The following ATP6V1H variants were observed in gnomAD, a reference collection of about 807,000 sequenced individuals.
ATP6V1H encodes V-type proton ATPase subunit H.
Under a neutral mutation model 71.7 loss-of-function variants are expected in ATP6V1H, and 39 were observed. The ratio of observed to expected loss-of-function variants is 0.54; its 90% CI spans 0.42 to 0.71. ATP6V1H has a LOEUF of 0.71. ATP6V1H is among the 30% of genes least tolerant of loss of function. ATP6V1H has a pLI of 0.00. For missense variants in ATP6V1H, 509 were observed against 594.9 expected, an observed-to-expected ratio of 0.86 and a Z score of 1.50; for synonymous variants, 192 against 199.3, an observed-to-expected ratio of 0.96 and a Z score of 0.31.
chr8:53,760,719 C>CT (rs1456678280), intron 11 of ATP6V1H, among the ~76,000 whole-genome samples: 1 of 152,146 alleles, frequency 6.6e-6, no homozygotes, highest in African/African-American at 2.4e-5. Flanking sequence ...AGACTCCCTT[C>CT]TGGGCCAAGG....
At chr8:53,787,443 A>C (rs1024006253) in intron 9 of ATP6V1H, among the ~76,000 whole-genome samples, 7 of 152,254 alleles carry the variant, frequency 4.6e-5, no homozygotes, top group African/African-American at 9.6e-5. Context: ...ATGCATGTAC[A>C]TGCGTGTGCA....
chr8:53,825,832 T>C (rs1810808749), intron 4 of ATP6V1H, among the ~76,000 whole-genome samples: 1 of 152,044 alleles, frequency 6.6e-6, no homozygotes, highest in Non-Finnish European at 1.5e-5. Context: ...CACTGTAAAC[T>C]TGGGTATAAG....
intron 4 of ATP6V1H, among the ~76,000 whole-genome samples, chr8:53,828,895 C>T (rs144860743): frequency 6.6e-5 from 10 of 152,194 alleles, no homozygotes; most frequent in African/African-American, 2.4e-4. Flanking sequence ...AGATTATACT[C>T]TAGTGTAAAA....
At chr8:53,760,818 GT>G (rs1808247164) in intron 11 of ATP6V1H, among the ~76,000 whole-genome samples, 1 of 152,116 alleles carries the variant, frequency 6.6e-6, no homozygotes, top group African/African-American at 2.4e-5. Context: ...CCCTTTCGGA[GT>G]TTAGGCACAA....
chr8:53,756,450 T>A, intron 12 of ATP6V1H, 105 bp downstream of exon 12: 1 of 765,216 alleles, frequency 1.3e-6, no homozygotes, highest in Non-Finnish European at 2.1e-6. Flanking sequence ...TTCATTTGCT[T>A]TGTTAGTTCC....
intron 13 of ATP6V1H, among the ~76,000 whole-genome samples, chr8:53,727,079 G>A (rs1023240589): frequency 6.6e-6 from 1 of 152,220 alleles, no homozygotes; most frequent in Non-Finnish European, 1.5e-5. Flanking sequence ...CTCACTAGTA[G>A]AAGGAGTATC....
chr8:53,814,711 C>T lies in ATP6V1H; in HGVS notation c.476G>A (p.Ser159Asn). 2 of 1,612,690 alleles carry T rather than the reference C, an allele frequency of 1.2e-6. No individual in the cohort carries two copies. The highest frequency in any genetic ancestry group is 2.2e-5 in the East Asian group (1 of 44,782). Reference protein sequence around the residue: ...AAWGKELMEGSDLNYYFNWIK... With the variant: ...AAWGKELMEGNDLNYYFNWIK... ...CCAATTGAAATAGTAATTTAAGTCACTGCCTTCCATCAGTTCTTTTCCCCA... is the reference window on the plus strand; with the variant it reads ...CCAATTGAAATAGTAATTTAAGTCATTGCCTTCCATCAGTTCTTTTCCCCA... Residue 159 changes from serine (S) to asparagine (N), a missense_variant, in exon 6 of 14, where the codon AGT becomes AAT. By Grantham distance (46) the Ser-to-Asn change is conservative. Coordinates refer to ENST00000359530, the MANE Select transcript of ATP6V1H (RefSeq NM_015941.4).
chr8:53,838,228 C>T (rs889091875), intron 2 of ATP6V1H, among the ~76,000 whole-genome samples: 4 of 151,830 alleles, frequency 2.6e-5, no homozygotes, highest in Middle Eastern at 3.4e-3. Flanking sequence ...TAGGTTCAAG[C>T]GATTCTCCTG....
chr8:53,765,361 T>C (rs1214784623), intron 11 of ATP6V1H, among the ~76,000 whole-genome samples: 1 of 148,262 alleles, frequency 6.7e-6, no homozygotes, highest in East Asian at 2.0e-4. Flanking sequence ...AATTGCGCTA[T>C]TGCACTCCAG....
At chr8:53,773,402 C>T (rs1045636014) in intron 9 of ATP6V1H, among the ~76,000 whole-genome samples, 2 of 152,064 alleles carry the variant, frequency 1.3e-5, no homozygotes, top group African/African-American at 2.4e-5. Context: ...AACTATAAAA[C>T]CTGAACAGAC....
At chr8:53,786,200 C>T (rs1195433838) in intron 9 of ATP6V1H, among the ~76,000 whole-genome samples, 4 of 152,206 alleles carry the variant, frequency 2.6e-5, no homozygotes, top group African/African-American at 9.6e-5. Flanking sequence ...TTCAAGCTTC[C>T]AGGCCGCTTC....
At chr8:53,820,273 G>A (rs896921149) in intron 4 of ATP6V1H, among the ~76,000 whole-genome samples, 2 of 151,644 alleles carry the variant, frequency 1.3e-5, no homozygotes, top group Admixed American at 1.3e-4. Context: ...CATCATTTTT[G>A]AGAGATAATA....
At chr8:53,833,304 G>A (rs6990968) in intron 2 of ATP6V1H, 11,847 of 499,916 alleles carry the variant, frequency 0.024, 1,110 homozygotes, top group African/African-American at 0.2. Flanking sequence ...TGCAAAATGC[G>A]AACAATAATC....
chr8:53,825,588 G>T (rs1332475408), intron 4 of ATP6V1H, among the ~76,000 whole-genome samples: 1 of 152,084 alleles, frequency 6.6e-6, no homozygotes, highest in African/African-American at 2.4e-5. Flanking sequence ...AGTATAAAAG[G>T]TACAGAAATA....
chr8:53,786,255 G>C (rs1262912028), intron 9 of ATP6V1H, among the ~76,000 whole-genome samples: 1 of 152,202 alleles, frequency 6.6e-6, no homozygotes, highest in East Asian at 1.9e-4. Flanking sequence ...CCCTCCCCCA[G>C]CCTCGCTGCC....
intron 9 of ATP6V1H, among the ~76,000 whole-genome samples, chr8:53,791,898 CT>C (rs1269282023): frequency 6.6e-6 from 1 of 152,334 alleles, no homozygotes; most frequent in African/African-American, 2.4e-5. Flanking sequence ...AGCACAGCCC[CT>C]GGCACATACA....
intron 9 of ATP6V1H, among the ~76,000 whole-genome samples, chr8:53,787,812 C>T (rs1029276238): frequency 2.6e-5 from 4 of 152,234 alleles, no homozygotes; most frequent in African/African-American, 7.2e-5. Context: ...GTACAGCATG[C>T]ACTATGAATA....
At chr8:53,785,551 C>T (rs1023710014) in intron 9 of ATP6V1H, among the ~76,000 whole-genome samples, 2 of 152,232 alleles carry the variant, frequency 1.3e-5, no homozygotes, top group South Asian at 2.1e-4. Context: ...CAAAGTAATT[C>T]TCCATCCAGC....
intron 7 of ATP6V1H, among the ~76,000 whole-genome samples, chr8:53,807,175 C>A (rs1810105709): frequency 6.6e-6 from 1 of 152,180 alleles, no homozygotes; most frequent in Non-Finnish European, 1.5e-5. Flanking sequence ...AAGTCTTCCA[C>A]CTCTTCTGAA....
Sources: allele counts gnomAD v4.1 joint callset (sites outside exome capture counted in the v4.1 genomes callset), GRCh38; gene constraint gnomAD v4.1.1; transcripts MANE v1.5; gene names NCBI Gene and HGNC (gene_info 2026-07-23, HGNC 2026-07-21).